Variants in PROX1 observed in about 807,000 individuals in gnomAD.
PROX1 encodes the protein prospero homeobox protein 1.
Under a neutral mutation model 58.8 loss-of-function variants are expected in PROX1, and 7 were observed. The ratio of observed to expected loss-of-function variants is 0.12; its 90% CI spans 0.07 to 0.22. The LOEUF (loss-of-function observed/expected upper bound fraction) is 0.22. Ranked by LOEUF, PROX1 falls within the 10% of genes least tolerant of loss-of-function variation. The pLI is 1.00. For synonymous variants in PROX1, 350 were observed against 358.3 expected (o/e 0.98, Z 0.26); for missense variants, 675 against 927.8 (o/e 0.73, Z 3.54).
Position 214,039,423 on chromosome 1 carries a change from T to G in PROX1, c.*3589T>G, listed in dbSNP as rs1664932578. 1 of 152,110 alleles carries G rather than the reference T, an allele frequency of 6.6e-6. No homozygotes were observed. The highest frequency in any genetic ancestry group is 2.4e-5 in the African/African-American group (1 of 41,412). 9.4% of individuals were successfully genotyped at this position (152,110 alleles called of 1,614,324 possible). On this transcript the variant is annotated 3_prime_UTR_variant, in exon 5 of 5. Transcript: ENST00000366958. Reference sequence around the variant, plus strand: ...AATCTTTGTCACTGTACTAGGGATGTGGGTGAATATCATTTAAAAAAATTT... The same window carrying G: ...AATCTTTGTCACTGTACTAGGGATGGGGGTGAATATCATTTAAAAAAATTT...
At chr1:214,020,319 C>A (rs542792701) in intron 4 of PROX1, among the ~76,000 whole-genome samples, 1 of 152,122 alleles carries the variant, frequency 6.6e-6, no homozygotes, top group East Asian at 1.9e-4. Context: ...ACAGAAAATA[C>A]TCTTCATGCC....
rs1055124350 is a variant in PROX1, at chr1:214,036,220, A to C, written c.*386A>C. ...CGGTTGGCTGAGGAAAACCCATGAC[A>C]CAGCACAACTCTACAGACAGTGATG... On this transcript the variant is annotated 3_prime_UTR_variant, in exon 5 of 5. Transcript: ENST00000366958. 1.3e-5 allele frequency: 2 copies of C among 159,046 alleles called. No individual in the cohort carries two copies. Among genetic ancestry groups the C allele is most frequent in the African/African-American group, 4.8e-5 (2 of 41,610 alleles). 9.9% of individuals were successfully genotyped at this position (159,046 alleles called of 1,614,324 possible).
intron 1 of PROX1, among the ~76,000 whole-genome samples, chr1:213,991,823 A>C (rs1199824939): frequency 6.6e-6 from 1 of 152,210 alleles, no homozygotes; most frequent in East Asian, 1.9e-4. Flanking sequence ...TTGCAGTGTT[A>C]ATATAAGAAG....
intron 3 of PROX1, among the ~76,000 whole-genome samples, chr1:214,005,598 C>T (rs1035199304): frequency 2.0e-5 from 3 of 152,040 alleles, no homozygotes; most frequent in Non-Finnish European, 4.4e-5. Flanking sequence ...ATGTTTTTTC[C>T]CTCCCCTCAG....
chr1:213,999,519 T>A (rs1399558465), intron 2 of PROX1, among the ~76,000 whole-genome samples: 1 of 152,196 alleles, frequency 6.6e-6, no homozygotes, highest in African/African-American at 2.4e-5. Context: ...GAGGTCGTAC[T>A]TCAAGCCACC....
At chr1:214,030,603 C>A in intron 4 of PROX1, 1 of 152,320 alleles carries the variant, frequency 6.6e-6, no homozygotes. Flanking sequence ...TTAGGTCCCC[C>A]GCAAGAGGCT....
chr1:214,026,371 C>T (rs777778577), intron 4 of PROX1, among the ~76,000 whole-genome samples: 1 of 152,162 alleles, frequency 6.6e-6, no homozygotes, highest in African/African-American at 2.4e-5. Context: ...CTCTCATAGA[C>T]ATTTGTCATT....
At chr1:214,035,550 C>G (rs893813219) in intron 4 of PROX1, 99 bp from the exon 5 acceptor site, 1 of 1,222,988 alleles carries the variant, frequency 8.2e-7, no homozygotes, top group African/African-American at 1.5e-5. Context: ...GCCATGTAAG[C>G]CCCTTTCTGC....
chr1:214,022,625 TG>T (rs1220993993), intron 4 of PROX1, among the ~76,000 whole-genome samples: 8 of 151,964 alleles, frequency 5.3e-5, no homozygotes, highest in African/African-American at 1.9e-4. Context: ...AAGGACACGA[TG>T]AGATGCTGGG....
In PROX1 at chr1:214,033,184, C is replaced by G. The variant is rs534876102; in HGVS notation, c.2029-2465C>G. On this transcript the variant is annotated intron_variant, in intron 4 of 4. Transcript: ENST00000366958. ...GGGGCAGCTGCCCACACCTTCACCC[C>G]TCAAAGCTCTCTGCCATGTCATGCT... 5.3e-5 allele frequency among the ~76,000 whole-genome samples: 8 copies of G among 152,206 alleles called. 1 individual carries two copies. The highest frequency in any genetic ancestry group is 1.3e-4 in the Admixed American group (2 of 15,290).
chr1:214,015,776 A>G lies in PROX1; in HGVS notation c.2028+4061A>G, dbSNP rs146649856. 3.6e-3 allele frequency among the ~76,000 whole-genome samples: 548 copies of G among 152,256 alleles called. 2 individuals carry two copies. The highest frequency in any genetic ancestry group is 0.012 in the African/African-American group (519 of 41,538). On this transcript the variant is annotated intron_variant, in intron 4 of 4. Coordinates refer to ENST00000366958, the MANE Select transcript of PROX1 (RefSeq NM_001270616.2). ...GTAGGTTGAGAAAAGAATGTGCCAG[A>G]TTCCTTCATCCAGTCACATTGAGCT...
intron 2 of PROX1, among the ~76,000 whole-genome samples, chr1:213,999,529 C>T (rs1230254799): frequency 6.6e-6 from 1 of 152,152 alleles, no homozygotes; most frequent in East Asian, 1.9e-4. Flanking sequence ...TTCAAGCCAC[C>T]TCTCAGGATA....
chr1:214,021,404 C>A (rs1054803431), intron 4 of PROX1, among the ~76,000 whole-genome samples: 5 of 152,192 alleles, frequency 3.3e-5, no homozygotes, highest in Non-Finnish European at 7.3e-5. Context: ...TGTCCATATT[C>A]TCCATTTCCT....
intron 2 of PROX1, 113 bp downstream of exon 2, chr1:213,998,373 C>A (rs1031287873): frequency 1.6e-6 from 2 of 1,250,706 alleles, no homozygotes; most frequent in East Asian, 2.4e-5. Context: ...AAGAAGGCAA[C>A]CTTTCCCATT....
upstream of PROX1, among the ~76,000 whole-genome samples, chr1:213,983,593 C>G (rs1313123309): frequency 6.6e-6 from 1 of 152,142 alleles, no homozygotes; most frequent in African/African-American, 2.4e-5. Context: ...TGTACTTAAG[C>G]GACAGCAAAA....
intron 2 of PROX1, among the ~76,000 whole-genome samples, chr1:214,004,516 C>G (rs1441709105): frequency 2.6e-5 from 4 of 152,120 alleles, no homozygotes; most frequent in African/African-American, 9.7e-5. Flanking sequence ...TTCACAAAAG[C>G]AACAGCCCCC....
At position 214,005,261 on chromosome 1, in the gene PROX1, T is replaced by C. The variant is rs1423163706; in HGVS notation, c.1822T>C (p.Ser608Pro). The C allele has an allele frequency of 6.2e-7, 1 of 1,611,588 alleles. No homozygotes were observed. The highest frequency in any genetic ancestry group is 8.5e-7 in the Non-Finnish European group (1 of 1,178,004). ...CTCCAATATGCTGAAGACCTACTTC[T>C]CCGACGTAAAGGTAGGGACTTTTTT... ...PSSNMLKTYF[S>P]DVKFNRCITS... The change falls in exon 3 of 5, where the codon TCC (serine) becomes CCC (proline). Residue 608 changes from serine (S) to proline (P), a missense_variant. This residue lies in a region of PROX1 where 39 missense variants were observed against 73.4 expected (regional missense o/e 0.53). Coordinates refer to ENST00000366958, the MANE Select transcript of PROX1 (RefSeq NM_001270616.2).
At chr1:214,002,412 C>CTTTTTTTTTT (rs774337530) in intron 2 of PROX1, among the ~76,000 whole-genome samples, 104 of 116,326 alleles carry the variant, frequency 8.9e-4, no homozygotes, top group Non-Finnish European at 1.2e-3. Flanking sequence ...TTTCTTTTTT[C>CTTTTTTTTTT]TTTTTTTTTT....
In PROX1 at chr1:213,997,341, A is replaced by G; in HGVS notation, c.806A>G (p.Asp269Gly). ...QIYDSTDSEN[D>G]EDGNLSEDSM... The stretch of plus-strand genomic sequence containing the variant: ...TATGACAGCACTGATTCGGAAAATG[A>G]TGAAGATGGTAACCTGTCTGAAGAC... The change falls in exon 2 of 5, where the codon GAT becomes GGT. Residue 269 changes from aspartate (D) to glycine (G), a missense_variant. Physicochemically the swap from Asp to Gly is moderately conservative, Grantham distance 94. Around this residue, in one of 8 missense-constraint regions of PROX1, gnomAD observed 403 missense variants for 477.4 expected, o/e 0.84. Coordinates refer to ENST00000366958, the MANE Select transcript of PROX1 (RefSeq NM_001270616.2). This position sits in a 1 kb window ranked among gnomAD's most constrained non-coding sequence, Gnocchi z 7.1. 6.2e-7 allele frequency: 1 copy of G among 1,614,130 alleles called. No homozygotes were observed. The highest frequency in any genetic ancestry group is 2.2e-5 in the East Asian group (1 of 44,866).
Sources: allele counts gnomAD v4.1 joint callset (sites outside exome capture counted in the v4.1 genomes callset), GRCh38; gene constraint gnomAD v4.1.1; regional missense constraint gnomAD v4.1.1; non-coding constraint Gnocchi (gnomAD v3.1); transcripts MANE v1.5; gene names NCBI Gene and HGNC (gene_info 2026-07-23, HGNC 2026-07-21).